Variants in ATP11B observed in about 807,000 individuals in gnomAD.
The protein encoded by ATP11B is ATPase phospholipid transporting 11B (putative).
Under a neutral mutation model 157.8 loss-of-function variants are expected in ATP11B, and 81 were observed. That is an observed-to-expected ratio of 0.51 (90% CI 0.43 to 0.62). The LOEUF is 0.62. Ranked by LOEUF, ATP11B falls within the 20% of genes least tolerant of loss-of-function variation. The pLI is 0.00. For missense variants in ATP11B, 1,165 were observed against 1,402.2 expected (o/e 0.83, Z 2.70); for synonymous variants, 451 against 469.4 (o/e 0.96, Z 0.51).
chr3:182,834,490 G>C (rs1237149747), intron 4 of ATP11B, among the ~76,000 whole-genome samples: 2 of 152,114 alleles, frequency 1.3e-5, no homozygotes, highest in African/African-American at 2.4e-5. Context: ...TATGCAAAGT[G>C]TTCACATAGG....
chr3:182,837,304 G>A, intron 7 of ATP11B, 130 bp downstream of exon 7: 1 of 592,600 alleles, frequency 1.7e-6, no homozygotes, highest in Non-Finnish European at 2.8e-6. Context: ...GGTGGGAGAT[G>A]CAATTAATGG....
intron 12 of ATP11B, among the ~76,000 whole-genome samples, chr3:182,861,392 A>T (rs1022689506): frequency 7.2e-5 from 11 of 152,246 alleles, no homozygotes; most frequent in African/African-American, 2.6e-4. Flanking sequence ...AAAGATAGGA[A>T]CCTAATAAAA....
intron 25 of ATP11B, among the ~76,000 whole-genome samples, chr3:182,891,134 G>A (rs1299577662): frequency 1.3e-5 from 2 of 152,172 alleles, no homozygotes; most frequent in Non-Finnish European, 2.9e-5. Flanking sequence ...CAGTGCAAGT[G>A]CCACCAAATA....
chr3:182,820,460 G>T, intron 2 of ATP11B, 84 bp downstream of exon 2: 1 of 927,538 alleles, frequency 1.1e-6, no homozygotes, highest in Non-Finnish European at 1.7e-6. Context: ...AAGGCGAGAG[G>T]ATCGGTTAAG....
chr3:182,827,864 T>A (rs1253743558), intron 2 of ATP11B, among the ~76,000 whole-genome samples: 2 of 151,940 alleles, frequency 1.3e-5, no homozygotes, highest in East Asian at 3.8e-4. Context: ...TGGAATTTAG[T>A]AGCAAAATTG....
At chr3:182,886,419 G>A (rs1049539321) in intron 23 of ATP11B, among the ~76,000 whole-genome samples, 2 of 152,090 alleles carry the variant, frequency 1.3e-5, no homozygotes, top group African/African-American at 4.8e-5. Flanking sequence ...TCCAGGGATG[G>A]CATATAGGTT....
At chr3:182,813,531 CT>C (rs1201485713) in intron 1 of ATP11B, among the ~76,000 whole-genome samples, 1 of 152,124 alleles carries the variant, frequency 6.6e-6, no homozygotes, top group Non-Finnish European at 1.5e-5. Context: ...TCCCCACCAA[CT>C]GTAAAACTGT....
At chr3:182,896,839 T>G in intron 26 of ATP11B, 74 bp downstream of exon 26, 1 of 1,095,434 alleles carries the variant, frequency 9.1e-7, no homozygotes, top group Non-Finnish European at 1.4e-6. Flanking sequence ...CTTCATTTCT[T>G]TAGCCATAGA....
intron 24 of ATP11B, among the ~76,000 whole-genome samples, chr3:182,888,334 C>A (rs13324000): frequency 0.035 from 5,289 of 152,128 alleles, 314 homozygotes; most frequent in African/African-American, 0.12. Context: ...CTAAGATTGG[C>A]ATAGATTGTT....
At chr3:182,866,646 T>A in intron 14 of ATP11B, among the ~76,000 whole-genome samples, 1 of 145,810 alleles carries the variant, frequency 6.9e-6, no homozygotes, top group African/African-American at 2.7e-5. Context: ...CATTGAGTCT[T>A]TTTTTAAGAT....
intron 29 of ATP11B, chr3:182,916,832 C>G: frequency 2.0e-6 from 2 of 984,722 alleles, no homozygotes; most frequent in Non-Finnish European, 2.4e-6. Flanking sequence ...CATCTGACTC[C>G]GGATAATTGG....
intron 22 of ATP11B, 73 bp from the exon 23 acceptor site, chr3:182,885,878 A>G: frequency 9.2e-7 from 1 of 1,090,300 alleles, no homozygotes; most frequent in South Asian, 1.7e-5. Context: ...TTTAACAGCC[A>G]TTTTTTTTAT....
At chr3:182,878,295 G>A (rs1722186273) in intron 19 of ATP11B, among the ~76,000 whole-genome samples, 1 of 152,106 alleles carries the variant, frequency 6.6e-6, no homozygotes, top group African/African-American at 2.4e-5. Context: ...TTTATAGTGT[G>A]CTCATTTAAT....
rs558230574 is a variant in ATP11B, at chr3:182,920,382, T to A, written c.*2278T>A. The A allele has an allele frequency of 2.6e-5, 4 of 152,362 alleles. No homozygotes were observed. The East Asian group carries it at 5.8e-4, about 22-fold the overall frequency. 9.4% of individuals were successfully genotyped at this position (152,362 alleles called of 1,614,324 possible). Reference sequence around the variant, plus strand: ...TTAAGAAAAGAGTTTTCTATTTATTTAAGAAAGTAACAATGCAGTCTGCAA... The same window carrying A: ...TTAAGAAAAGAGTTTTCTATTTATTAAAGAAAGTAACAATGCAGTCTGCAA... On this transcript the variant is annotated 3_prime_UTR_variant, in exon 30 of 30. Coordinates refer to ENST00000323116, the MANE Select transcript of ATP11B (RefSeq NM_014616.3).
Position 182,865,413 on chromosome 3 carries a change from A to G in ATP11B, c.1201-43A>G, listed in dbSNP as rs1415855822. ...TTTTTTTCTTGTTTAACATAGGACC[A>G]TGAACACAAAGGTTTATTTTCTTTT... On this transcript the variant is annotated intron_variant, in intron 12 of 29. Coordinates refer to ENST00000323116, the MANE Select transcript of ATP11B (RefSeq NM_014616.3). The G allele has an allele frequency of 3.8e-6, 6 of 1,591,584 alleles. No homozygotes were observed. In the South Asian group the frequency reaches 5.8e-5, roughly 15 times the overall value.
intron 12 of ATP11B, among the ~76,000 whole-genome samples, 167 bp from the exon 13 acceptor site, chr3:182,865,289 C>A (rs1721146222): frequency 6.6e-6 from 1 of 152,178 alleles, no homozygotes; most frequent in Admixed American, 6.5e-5. Flanking sequence ...CTTTCCTTGG[C>A]ATCTATATTT....
At chr3:182,805,741 G>A (rs1485414710) in intron 1 of ATP11B, among the ~76,000 whole-genome samples, 3 of 151,668 alleles carry the variant, frequency 2.0e-5, no homozygotes, top group Non-Finnish European at 4.4e-5. Flanking sequence ...GATTACAGGC[G>A]TGAGCCACCG....
rs772419308 is a variant in ATP11B at position 182,820,255 on chromosome 3, C to T, written c.28-5C>T. On this transcript the variant is annotated splice_polypyrimidine_tract_variant and splice_region_variant and intron_variant, in intron 1 of 29. Transcript: ENST00000323116. ...TTTCTTTTTCTCTTGCTTGATTGGT[C>T]TTAGGGTTTTGACCCACCACATCAG... 6.3e-7 allele frequency: 1 copy of T among 1,598,660 alleles called. No homozygotes were observed. Among genetic ancestry groups the T allele is most frequent in the Admixed American group, 1.7e-5 (1 of 59,976 alleles).
chr3:182,841,444 G>A (rs1719014791), intron 7 of ATP11B, among the ~76,000 whole-genome samples: 1 of 152,048 alleles, frequency 6.6e-6, no homozygotes, highest in African/African-American at 2.4e-5. Context: ...AGTAAACATT[G>A]TATACCCTTT....
Sources: gnomAD v4.1 joint callset for allele counts (sites outside exome capture counted in the v4.1 genomes callset) on GRCh38, gnomAD v4.1.1 for gene constraint, MANE v1.5 for transcripts, NCBI Gene and HGNC (gene_info 2026-07-23, HGNC 2026-07-21) for gene names.